RAG1: variants seen among roughly 807,000 people sequenced by gnomAD.
The protein encoded by RAG1 is recombination activating 1.
A neutral mutation model predicts 62.7 loss-of-function variants in RAG1; 35 were observed. The observed-to-expected ratio is 0.56, with a 90% CI of 0.43 to 0.74. The LOEUF (loss-of-function observed/expected upper bound fraction) is 0.74, where lower values mean the gene tolerates loss of function less well. RAG1 is among the 30% of genes least tolerant of loss of function. The pLI is 0.00. For missense variants in RAG1, 1,169 were observed against 1,278.6 expected (o/e 0.91, Z 1.31); for synonymous variants, 461 against 470.3 (o/e 0.98, Z 0.26).
chr11:36,573,213 TTTA>T, intron 1 of RAG1, 75 bp from the exon 2 acceptor site: 2 of 1,353,042 alleles, frequency 1.5e-6, no homozygotes, highest in Non-Finnish European at 1.0e-6. Context: ...ATTGAATGTA[TTTA>T]TTTTTATTAT....
At chr11:36,524,781 C>G (rs114153806) in intron 2 of RAG1, among the ~76,000 whole-genome samples, 1 of 152,136 alleles carries the variant, frequency 6.6e-6, no homozygotes, top group East Asian at 1.9e-4. Context: ...CATGACCCAC[C>G]ACACCTGGCC....
At chr11:36,512,995 A>G (rs1369724713) in intron 1 of RAG1, among the ~76,000 whole-genome samples, 1 of 152,184 alleles carries the variant, frequency 6.6e-6, no homozygotes, top group East Asian at 1.9e-4. Context: ...AATGAGAGGC[A>G]TTTGGGTCGT....
chr11:36,520,748 A>T (rs1440211132), intron 2 of RAG1, among the ~76,000 whole-genome samples: 2 of 152,246 alleles, frequency 1.3e-5, no homozygotes, highest in Non-Finnish European at 2.9e-5. Flanking sequence ...GACATTAAAG[A>T]TTACTTTGTT....
chr11:36,536,110 A>G (rs1407088385), downstream of RAG1: 1 of 152,206 alleles, frequency 6.6e-6, no homozygotes, highest in Admixed American at 6.5e-5. Flanking sequence ...TAAGAAATAT[A>G]AATGGATGGA....
At chr11:36,561,728 C>T (rs1265323667) in intron 3 of RAG1, among the ~76,000 whole-genome samples, 6 of 152,170 alleles carry the variant, frequency 3.9e-5, no homozygotes, top group Non-Finnish European at 7.3e-5. Context: ...TGGACTAAGA[C>T]TTGTTCTTGC....
At chr11:36,543,182 A>T (rs1850337207) in intron 3 of RAG1, among the ~76,000 whole-genome samples, 1 of 152,122 alleles carries the variant, frequency 6.6e-6, no homozygotes. Context: ...TGACCCTCTC[A>T]GGGTCTTAGG....
At chr11:36,528,264 G>T (rs940768771) in intron 2 of RAG1, among the ~76,000 whole-genome samples, 32 of 152,162 alleles carry the variant, frequency 2.1e-4, no homozygotes, top group African/African-American at 7.0e-4. Context: ...CTCAGCAAAT[G>T]TAAAAGAAAA....
chr11:36,511,433 G>A lies in RAG1; in HGVS notation n.330+395G>A, dbSNP rs144245824. Among the ~76,000 whole-genome samples the A allele has an allele frequency of 5.6e-4, 85 of 152,294 alleles. 1 individual carries two copies. The East Asian group carries it at 6.2e-3, about 11-fold the overall frequency. ...TGCACCACTGCATTCCAGCCTGGGT[G>A]ACAGAGTGAGACCCTGTCTCAAGGA... On this transcript the variant is annotated intron_variant and non_coding_transcript_variant, in intron 1 of 2. Coordinates refer to the RAG1 transcript ENST00000529126.
chr11:36,548,608 C>T (rs1850434190), intron 3 of RAG1, among the ~76,000 whole-genome samples: 2 of 152,012 alleles, frequency 1.3e-5, no homozygotes, highest in South Asian at 4.1e-4. Context: ...AACCACTGCT[C>T]AAGGAAATAA....
chr11:36,576,446 C>T lies in RAG1; in HGVS notation c.*10C>T. The T allele has an allele frequency of 6.2e-7, 1 of 1,613,920 alleles. No homozygotes were observed. Among genetic ancestry groups the T allele is most frequent in the South Asian group, 1.1e-5 (1 of 91,082 alleles). ...TTCAATGGAATTTTAAGTAGGGCAA[C>T]CACTTATGAGTTGGTTTTTGCAATT... is the stretch of plus-strand genomic sequence containing the variant. On this transcript the variant is annotated 3_prime_UTR_variant, in exon 2 of 2. Transcript: ENST00000299440.
At position 36,524,315 on chromosome 11, in the gene RAG1, A is replaced by T. The variant is rs919142608; in HGVS notation, n.428+4086A>T. On this transcript the variant is annotated intron_variant and non_coding_transcript_variant, in intron 2 of 2. Transcript: ENST00000529126. ...TGTAACAAACCTGCATGTTGTGCAC[A>T]TGTACCCTAGAACTTAAAGTATAAT... 4.0e-5 allele frequency among the ~76,000 whole-genome samples: 6 copies of T among 149,320 alleles called. No homozygotes were observed. The South Asian group carries it at 1.3e-3, about 32-fold the overall frequency.
Position 36,573,294 on chromosome 11 carries a change from C to T in RAG1, c.-11C>T. 6.2e-7 allele frequency: 1 copy of T among 1,613,980 alleles called. No homozygotes were observed. Among genetic ancestry groups the T allele is most frequent in the Admixed American group, 1.7e-5 (1 of 60,014 alleles). On this transcript the variant is annotated 5_prime_UTR_variant, in exon 2 of 2. Coordinates refer to ENST00000299440, the MANE Select transcript of RAG1 (RefSeq NM_000448.3). ...GACTTGTTTTCATTGTTCTCAGGTA[C>T]CTCAGCCAGCATGGCAGCCTCTTTC...
intron 2 of RAG1, among the ~76,000 whole-genome samples, chr11:36,533,177 C>T (rs923806975): frequency 2.6e-5 from 4 of 152,106 alleles, no homozygotes; most frequent in Non-Finnish European, 5.9e-5. Flanking sequence ...ACACGTAGGC[C>T]CAGCATGTGA....
At chr11:36,536,832 C>G (rs1384324813), downstream of RAG1, among the ~76,000 whole-genome samples, 1 of 151,308 alleles carries the variant, frequency 6.6e-6, no homozygotes, top group Non-Finnish European at 1.5e-5. Flanking sequence ...GATCTCAGCT[C>G]ACTGCAAGCT....
At chr11:36,562,624 T>C (rs1408153039) in intron 3 of RAG1, among the ~76,000 whole-genome samples, 4 of 152,154 alleles carry the variant, frequency 2.6e-5, no homozygotes, top group Non-Finnish European at 5.9e-5. Context: ...AATGAGTATC[T>C]TCCAATTTGA....
At chr11:36,537,549 T>C (rs936408784), downstream of RAG1, among the ~76,000 whole-genome samples, 7 of 152,244 alleles carry the variant, frequency 4.6e-5, no homozygotes, top group Admixed American at 4.6e-4. Flanking sequence ...TTATCATACT[T>C]CCTTATCTTT....
In RAG1 at chr11:36,575,994, G is replaced by A. The variant is rs1064793249; in HGVS notation, c.2690G>A (p.Arg897Gln). ...DLYLKMKPVWRSSCPAKECPE... is the reference protein window; with the variant it reads ...DLYLKMKPVWQSSCPAKECPE... ...TACCTGAAGATGAAACCAGTATGGC[G>A]ATCATCATGCCCTGCTAAAGAGTGC... The change falls in exon 2 of 2, where the codon CGA (arginine) becomes CAA (glutamine). Residue 897 changes from arginine to glutamine, a missense_variant. By Grantham distance (43) the Arg-to-Gln change is conservative. This residue lies in a region of RAG1 where 800 missense variants were observed against 943.3 expected (regional missense o/e 0.85). Coordinates refer to ENST00000299440, the MANE Select transcript of RAG1 (RefSeq NM_000448.3). The surrounding 1 kb of genome is among the most constrained non-coding windows in gnomAD (Gnocchi z 4.1). 3 of 1,614,176 alleles carry A rather than the reference G, an allele frequency of 1.9e-6. No homozygotes were observed. The highest frequency in any genetic ancestry group is 1.7e-6 in the Non-Finnish European group (2 of 1,180,038).
At position 36,574,068 on chromosome 11, in the gene RAG1, C is replaced by T; in HGVS notation, c.764C>T (p.Ala255Val). ...QARQHKRRAQ[A>V]RISSKDVMKK... is the part of the protein sequence containing the mutation. ...CGTCAGCACAAGAGAAGAGCTCAGG[C>T]AAGGATCAGCAGCAAGGATGTCATG... Residue 255 changes from alanine (A) to valine (V), a missense_variant, in exon 2 of 2, where the codon GCA becomes GTA. Ala to Val is a moderately conservative substitution (Grantham distance 64). Around this residue, in one of 2 missense-constraint regions of RAG1, gnomAD observed 369 missense variants for 335.3 expected, o/e 1.10. Coordinates refer to ENST00000299440, the MANE Select transcript of RAG1 (RefSeq NM_000448.3). 3 of 1,614,146 alleles carry T rather than the reference C, an allele frequency of 1.9e-6. No individual in the cohort carries two copies. The highest frequency in any genetic ancestry group is 2.5e-6 in the Non-Finnish European group (3 of 1,180,024).
At position 36,541,398 on chromosome 11, in the gene RAG1, A is replaced by G. The variant is rs1421642023; in HGVS notation, c.-412+5364A>G. Among the ~76,000 whole-genome samples the G allele has an allele frequency of 5.3e-5, 8 of 152,256 alleles. No homozygotes were observed. The South Asian group carries it at 1.0e-3, about 20-fold the overall frequency. On this transcript the variant is annotated intron_variant and NMD_transcript_variant, in intron 3 of 9. Transcript: ENST00000534663. ...CAGATGGTGCACAAGATGATTTCAC[A>G]TGGACATATATTAATGTTGAACACA...
Sources: allele counts gnomAD v4.1 joint callset (sites outside exome capture counted in the v4.1 genomes callset), GRCh38; gene constraint gnomAD v4.1.1; regional missense constraint gnomAD v4.1.1; non-coding constraint Gnocchi (gnomAD v3.1); transcripts MANE v1.5; gene names NCBI Gene and HGNC (gene_info 2026-07-23, HGNC 2026-07-21).